The following C1QTNF6 variants were observed in gnomAD, a reference collection of about 807,000 sequenced individuals.
C1QTNF6 encodes the protein complement C1q tumor necrosis factor-related protein 6.
In C1QTNF6, 17 loss-of-function variants were observed where a neutral mutation model predicts 20.7. The ratio of observed to expected loss-of-function variants is 0.82; its 90% CI spans 0.56 to 1.23. C1QTNF6 has a LOEUF of 1.23. Among genes scored for constraint, C1QTNF6 ranks in the 50% most tolerant of loss-of-function variants. The probability of loss-of-function intolerance (pLI) is 0.00; values close to 1 mark genes in which losing one functional copy is unlikely to be tolerated. For missense variants in C1QTNF6, 329 were observed against 389.7 expected (o/e 0.84, Z 1.31); for synonymous variants, 130 against 156.3 (o/e 0.83, Z 1.25).
At chr22:37,199,139 G>A (rs998236204), upstream of C1QTNF6, among the ~76,000 whole-genome samples, 2 of 152,230 alleles carry the variant, frequency 1.3e-5, no homozygotes, top group Non-Finnish European at 2.9e-5. Context: ...ACAGAACAGT[G>A]GCAGAGCCTG....
In C1QTNF6 at chr22:37,181,559, G is replaced by T. The variant is rs1170804834; in HGVS notation, c.*629C>A. ...AAAAATTAGCCAGGCATGGTAGCAG[G>T]CGCCTGTAATCCCAGCCACTAGGGA... is the stretch of plus-strand genomic sequence containing the variant. On this transcript the variant is annotated 3_prime_UTR_variant, in exon 3 of 3. Transcript: ENST00000337843. The T allele has an allele frequency of 1.3e-5, 2 of 152,198 alleles. No individual in the cohort carries two copies. Among genetic ancestry groups the T allele is most frequent in the African/African-American group, 2.4e-5 (1 of 41,398 alleles). The allele number at this position is 152,198 out of a possible 1,614,324, so 9.4% of individuals were successfully genotyped here.
In C1QTNF6 at chr22:37,182,614, G is replaced by A. The variant is rs1187752025; in HGVS notation, c.411C>T (p.Ala137=). ...AGGCGAAGAAGCGCTTCTGGCACGGGGCGCCGGGGCTGCCCATCTCCCCCT... is the reference window on the plus strand; with the variant it reads ...AGGCGAAGAAGCGCTTCTGGCACGGAGCGCCGGGGCTGCCCATCTCCCCCT... ...GDKGEMGSPG[A]PCQKRFFAFS... The change falls in exon 3 of 3, where the codon GCC becomes GCT. Residue 137 remains alanine, a synonymous_variant. Transcript: ENST00000337843. The A allele has an allele frequency of 1.2e-6, 2 of 1,613,574 alleles. No homozygotes were observed. The highest frequency in any genetic ancestry group is 1.1e-5 in the South Asian group (1 of 91,082).
At chr22:37,193,612 G>T (rs557707107) in intron 2 of C1QTNF6, among the ~76,000 whole-genome samples, 3 of 152,200 alleles carry the variant, frequency 2.0e-5, no homozygotes, top group African/African-American at 7.2e-5. Context: ...CCAGACTCTA[G>T]CCGGGACAAA....
chr22:37,199,378 CGGGCCTCGCGCCCGGAG>C (rs1193251292), upstream of C1QTNF6: 1 of 152,490 alleles, frequency 6.6e-6, no homozygotes, highest in East Asian at 1.9e-4. Flanking sequence ...CTGGCCCACC[CGGGCCTCGCGCCCGGAG>C]GGCGGAGCCA....
At chr22:37,186,493 G>T (rs774116315) in intron 1 of C1QTNF6, among the ~76,000 whole-genome samples, 4 of 152,224 alleles carry the variant, frequency 2.6e-5, no homozygotes, top group African/African-American at 4.8e-5. Flanking sequence ...GAATTAAGGG[G>T]TAGGACTAGG....
chr22:37,182,973 A>G, intron 2 of C1QTNF6: 1 of 1,375,450 alleles, frequency 7.3e-7, no homozygotes, highest in South Asian at 1.7e-5. Context: ...ACAGTGCAGG[A>G]GCAGAAGAGG....
chr22:37,185,462 C>T lies in C1QTNF6; in HGVS notation c.52-7G>A. 3.1e-6 allele frequency: 5 copies of T among 1,591,844 alleles called. No individual in the cohort carries two copies. Among genetic ancestry groups the T allele is most frequent in the Non-Finnish European group, 4.3e-6 (5 of 1,167,262 alleles). ...CGGCTGTCCCCATGGTGACCTGGAA[C>T]AAGGAAGGAGGGACAGGAACTATAC... On this transcript the variant is annotated splice_region_variant and splice_polypyrimidine_tract_variant and intron_variant, in intron 1 of 2. Transcript: ENST00000337843.
chr22:37,185,695 G>A, intron 1 of C1QTNF6: 2 of 1,209,396 alleles, frequency 1.7e-6, no homozygotes, highest in Non-Finnish European at 1.0e-6. Flanking sequence ...CGGGCACCCA[G>A]TCCATGGAGG....
At chr22:37,186,684 G>A (rs1312199805) in intron 1 of C1QTNF6, among the ~76,000 whole-genome samples, 2 of 152,220 alleles carry the variant, frequency 1.3e-5, no homozygotes, top group Non-Finnish European at 2.9e-5. Flanking sequence ...CTTTGAGGTG[G>A]TGCAGCTTCT....
intron 2 of C1QTNF6, among the ~76,000 whole-genome samples, chr22:37,194,962 T>C (rs941668075): frequency 7.2e-5 from 11 of 152,204 alleles, no homozygotes; most frequent in African/African-American, 2.7e-4. Context: ...CTCCATTCCA[T>C]TGACACTGGA....
upstream of C1QTNF6, among the ~76,000 whole-genome samples, chr22:37,188,832 T>G (rs1372488091): frequency 1.3e-5 from 2 of 152,246 alleles, no homozygotes; most frequent in East Asian, 3.8e-4. Context: ...TCAGGTATCA[T>G]GCAAGTGTTA....
chr22:37,188,530 A>G, upstream of C1QTNF6: 1 of 271,028 alleles, frequency 3.7e-6, no homozygotes, highest in Non-Finnish European at 7.0e-6. Flanking sequence ...TGGGAAATGG[A>G]CACAGGCATG....
chr22:37,183,130 G>A (rs1263378209), intron 2 of C1QTNF6, among the ~76,000 whole-genome samples: 1 of 152,202 alleles, frequency 6.6e-6, no homozygotes, highest in Non-Finnish European at 1.5e-5. Flanking sequence ...TGTGGGGTGT[G>A]CTGGAACATA....
rs373048446 is a variant in C1QTNF6 at position 37,182,353 on chromosome 22, G to A, written c.672C>T (p.Ser224=). 7.0e-5 allele frequency: 113 copies of A among 1,614,216 alleles called. No individual in the cohort carries two copies. Among genetic ancestry groups the A allele is most frequent in the African/African-American group, 2.0e-4 (15 of 75,080 alleles). Residue 224 remains serine, a synonymous_variant, in exon 3 of 3, where the codon AGC becomes AGT. Coordinates refer to ENST00000337843, the MANE Select transcript of C1QTNF6 (RefSeq NM_031910.4). ...TCTGGCTCTGCATGATGCTGCGCTC[G>A]CTGGGCTGCGCGTACAGGATGACAG... ...KEAVILYAQP[S]ERSIMQSQSV...
At chr22:37,188,037 T>C (rs1207942137) in intron 1 of C1QTNF6, 126 bp downstream of exon 1, 2 of 986,342 alleles carry the variant, frequency 2.0e-6, no homozygotes, top group Non-Finnish European at 2.9e-6. Flanking sequence ...GGGGAGAGCC[T>C]GGAGAGGCTG....
chr22:37,185,751 C>CAG, intron 1 of C1QTNF6: 1 of 1,071,760 alleles, frequency 9.3e-7, no homozygotes, highest in Non-Finnish European at 1.1e-6. Flanking sequence ...CCTCTGAAAA[C>CAG]AGCCACAGCT....
At chr22:37,197,668 C>T (rs1212983292) in exon 1 of C1QTNF6, 1 of 152,286 alleles carries the variant, frequency 6.6e-6, no homozygotes, top group East Asian at 1.9e-4. Flanking sequence ...CCTCCTGTCC[C>T]TCTAGGTGCA....
intron 2 of C1QTNF6, 198 bp from the exon 3 acceptor site, chr22:37,182,933 AGAGAGGG>A: frequency 7.0e-7 from 1 of 1,428,670 alleles, no homozygotes; most frequent in East Asian, 2.5e-5. Flanking sequence ...TTCACTTCAC[AGAGAGGG>A]TGAGTGACTC....
At chr22:37,187,007 G>A (rs1036393933) in intron 1 of C1QTNF6, among the ~76,000 whole-genome samples, 10 of 152,086 alleles carry the variant, frequency 6.6e-5, no homozygotes, top group Admixed American at 1.3e-4. Context: ...CTCGAGTCCC[G>A]GAGTTCGAGA....
Sources: gnomAD v4.1 joint callset for allele counts (sites outside exome capture counted in the v4.1 genomes callset) on GRCh38, gnomAD v4.1.1 for gene constraint, MANE v1.5 for transcripts, NCBI Gene and HGNC (gene_info 2026-07-23, HGNC 2026-07-21) for gene names.